Variants in EIF5B observed in about 807,000 individuals in gnomAD.
EIF5B encodes eukaryotic translation initiation factor 5B, also known as eIF-5B.
EIF5B carries 47 observed loss-of-function variants against 147.5 expected under a neutral mutation model. The observed-to-expected ratio is 0.32, with a 90% CI of 0.25 to 0.41. EIF5B has a LOEUF of 0.41. EIF5B is among the 10% of genes least tolerant of loss of function. EIF5B has a pLI of 1.00. For missense variants in EIF5B, 1,064 were observed against 1,413.2 expected (o/e 0.75, Z 3.96); for synonymous variants, 455 against 456.2 (o/e 1.00, Z 0.03).
intron 1 of EIF5B, among the ~76,000 whole-genome samples, chr2:99,337,970 C>T (rs1010240990): frequency 1.3e-5 from 2 of 152,198 alleles, no homozygotes; most frequent in African/African-American, 4.8e-5. Context: ...GCCTCTTATA[C>T]CTGTGAGTAC....
At chr2:99,364,449 G>A in intron 6 of EIF5B, 28 bp downstream of exon 6, 1 of 1,556,188 alleles carries the variant, frequency 6.4e-7, no homozygotes, top group Non-Finnish European at 8.7e-7. Context: ...TTAACTGAAT[G>A]GTCAGAGAGC....
rs891653795 is a variant in EIF5B at position 99,361,564 on chromosome 2, C to G, written c.663C>G (p.Ala221=). 10 of 1,612,292 alleles carry G rather than the reference C, an allele frequency of 6.2e-6. No individual in the cohort carries two copies. Among genetic ancestry groups the G allele is most frequent in the Admixed American group, 1.7e-5 (1 of 59,616 alleles). ...NIESGNEDDD[A]SFKIKTVAQK... The stretch of plus-strand genomic sequence containing the variant: ...AAAGTGGGAATGAAGATGATGACGC[C>G]TCCTTCAAAATTAAGACAGTGGCCC... Residue 221 remains alanine, a synonymous_variant, in exon 4 of 24, where the codon GCC becomes GCG. Transcript: ENST00000289371.
chr2:99,360,570 A>G (rs1174632251), intron 3 of EIF5B, 21 bp downstream of exon 3: 3 of 1,600,778 alleles, frequency 1.9e-6, no homozygotes, highest in Non-Finnish European at 1.7e-6. Flanking sequence ...GACCTTTGTT[A>G]CCTATTCGTA....
intron 1 of EIF5B, among the ~76,000 whole-genome samples, chr2:99,356,778 A>G (rs1360733509): frequency 6.6e-6 from 1 of 152,098 alleles, no homozygotes; most frequent in Non-Finnish European, 1.5e-5. Flanking sequence ...TCTTACCAGG[A>G]ATTGGTATTG....
chr2:99,363,721 GA>G lies in EIF5B; in HGVS notation c.1002del (p.Gly335AspfsTer32). The G allele has an allele frequency of 1.2e-6, 2 of 1,604,610 alleles. No homozygotes were observed. The highest frequency in any genetic ancestry group is 1.1e-5 in the South Asian group (1 of 87,888). Reference sequence around the variant, plus strand: ...AAAAGGAAGAAAAAGAGAAAGAGAAGAAAAAAGGACCTAGCAAAGCCACTGT... The same window carrying G: ...AAAAGGAAGAAAAAGAGAAAGAGAAGAAAAAGGACCTAGCAAAGCCACTGT... ...GEKEEKEKEK[K>X]KGPSKATVKA... On this transcript the variant is annotated frameshift_variant, in exon 5 of 24. Coordinates refer to ENST00000289371, the MANE Select transcript of EIF5B (RefSeq NM_015904.4). LOFTEE classifies it high-confidence loss of function.
rs1473344222 is a variant in EIF5B at position 99,400,221 on chromosome 2, C to CTGTT, written c.*809_*812dup. The CTGTT allele has an allele frequency of 1.4e-5, 2 of 147,894 alleles. No homozygotes were observed. Among genetic ancestry groups the CTGTT allele is most frequent in the African/African-American group, 2.7e-5 (1 of 37,454 alleles). 9.2% of individuals were successfully genotyped at this position (147,894 alleles called of 1,614,324 possible). A position where few individuals can be genotyped will look rare whatever the true frequency, so the allele number is the denominator to read the frequency against. On this transcript the variant is annotated 3_prime_UTR_variant, in exon 24 of 24. Transcript: ENST00000289371. ...GAGATTTTTATACATTAATCTTGAT[C>CTGTT]TGTTTTAATCTTGATCTGTTTTAGT...
intron 14 of EIF5B, 36 bp downstream of exon 14, chr2:99,382,957 C>T (rs775588583): frequency 4.6e-6 from 7 of 1,534,096 alleles, no homozygotes; most frequent in South Asian, 1.3e-5. Context: ...CCTAGGAAAA[C>T]ATGTTTCTTA....
intron 1 of EIF5B, among the ~76,000 whole-genome samples, chr2:99,341,463 A>G (rs568460182): frequency 2.0e-5 from 3 of 152,338 alleles, no homozygotes; most frequent in Admixed American, 6.5e-5. Flanking sequence ...TCATTCAGCT[A>G]CTTTTAATGT....
chr2:99,339,006 A>ATTTT (rs1189175387), intron 1 of EIF5B, among the ~76,000 whole-genome samples: 2 of 137,204 alleles, frequency 1.5e-5, no homozygotes, highest in African/African-American at 2.7e-5. Context: ...ATATATATAC[A>ATTTT]TTTTTTTTTT....
intron 15 of EIF5B, 61 bp downstream of exon 15, chr2:99,389,910 A>T (rs368869948): frequency 1.3e-6 from 2 of 1,519,730 alleles, no homozygotes; most frequent in Non-Finnish European, 8.8e-7. Context: ...TATTATCTTT[A>T]TAATGAAGTC....
At chr2:99,387,463 T>C (rs1331875249) in intron 14 of EIF5B, among the ~76,000 whole-genome samples, 3 of 152,238 alleles carry the variant, frequency 2.0e-5, no homozygotes, top group Non-Finnish European at 2.9e-5. Flanking sequence ...TGTCAATAAT[T>C]AATTGACCAT....
intron 1 of EIF5B, among the ~76,000 whole-genome samples, chr2:99,342,782 C>A (rs926896093): frequency 1.3e-5 from 2 of 151,792 alleles, no homozygotes; most frequent in African/African-American, 4.8e-5. Flanking sequence ...CAGGCATACA[C>A]CACTGTACTC....
rs1488829413 is a variant in EIF5B, at chr2:99,371,749, C to G, written c.1552+19C>G. 6.3e-7 allele frequency: 1 copy of G among 1,595,888 alleles called. No individual in the cohort carries two copies. The highest frequency in any genetic ancestry group is 8.5e-7 in the Non-Finnish European group (1 of 1,169,778). ...GAAAAAGGTGAATACCTCATAAGCA[C>G]ACACTGATACATCCAGTGGTTATTA... On this transcript the variant is annotated intron_variant, in intron 9 of 23. Transcript: ENST00000289371.
At chr2:99,363,900 T>A (rs749076771) in intron 5 of EIF5B, 38 bp downstream of exon 5, 8 of 1,566,412 alleles carry the variant, frequency 5.1e-6, no homozygotes, top group Non-Finnish European at 3.5e-6. Flanking sequence ...GATATTGTGT[T>A]TAACTTAAAA....
At position 99,401,207 on chromosome 2, in the gene EIF5B, A is replaced by C. The variant is rs747843772; in HGVS notation, c.*1793A>C. The C allele has an allele frequency of 9.6e-5, 125 of 1,298,404 alleles. No homozygotes were observed. The highest frequency in any genetic ancestry group is 1.3e-4 in the Non-Finnish European group (114 of 893,852). 80.4% of individuals were successfully genotyped at this position (1,298,404 alleles called of 1,614,324 possible). ...AATACCTCACAAGCACTTATGGCAC[A>C]GCTATCAGAGAGCATCAGGCTCTCT... On this transcript the variant is annotated 3_prime_UTR_variant, in exon 24 of 24. Transcript: ENST00000289371.
chr2:99,363,502 G>A lies in EIF5B; in HGVS notation c.920-143G>A. ...TTCTAGTTACCAAAGTGCTCAGGAT[G>A]CCTTGATGCCTGTAGAACTTAGCCT... On this transcript the variant is annotated intron_variant, in intron 4 of 23. Transcript: ENST00000289371. 3 of 766,976 alleles carry A rather than the reference G, an allele frequency of 3.9e-6. No individual in the cohort carries two copies. In the South Asian group the frequency reaches 5.5e-5, roughly 14 times the overall value. 47.5% of individuals were successfully genotyped at this position (766,976 alleles called of 1,614,324 possible).
chr2:99,361,213 A>G lies in EIF5B; in HGVS notation c.312A>G (p.Lys104=), dbSNP rs1674204454. The G allele has an allele frequency of 1.2e-6, 2 of 1,600,288 alleles. No homozygotes were observed. The highest frequency in any genetic ancestry group is 1.4e-5 in the African/African-American group (1 of 73,950). The change falls in exon 4 of 24, where the codon AAA becomes AAG. Residue 104 remains lysine (K), a synonymous_variant. Transcript: ENST00000289371. ...AAAAAAAGAAAGGACAGAAGGGCAA[A>G]AAACAGAGTTTTGATGATAATGATA... The part of the protein sequence containing the change: ...KDKKKKGQKG[K]KQSFDDNDSE...
Position 99,364,857 on chromosome 2 carries a change from C to T in EIF5B, c.1288+436C>T, listed in dbSNP as rs535645299. 2.9e-3 allele frequency among the ~76,000 whole-genome samples: 432 copies of T among 149,362 alleles called. 1 individual carries two copies. Among genetic ancestry groups the T allele is most frequent in the Middle Eastern group, 0.01 (3 of 288 alleles). ...GCATATTAGTTTGCCCACATGACCA[C>T]GGTGAAAAAGTATTCATGACCATTT... On this transcript the variant is annotated intron_variant, in intron 6 of 23. Transcript: ENST00000289371.
chr2:99,354,923 CT>C, intron 1 of EIF5B, among the ~76,000 whole-genome samples: 1 of 151,564 alleles, frequency 6.6e-6, no homozygotes, highest in African/African-American at 2.4e-5. Flanking sequence ...CTGCTTCAGC[CT>C]CCTGAGTAGC....
Sources: allele counts gnomAD v4.1 joint callset (sites outside exome capture counted in the v4.1 genomes callset), GRCh38; gene constraint gnomAD v4.1.1; transcripts MANE v1.5; gene names NCBI Gene and HGNC (gene_info 2026-07-23, HGNC 2026-07-21).